Variants in RAB27B observed in about 807,000 individuals in gnomAD.
RAB27B encodes ras-related protein Rab-27B.
In RAB27B, 15 loss-of-function variants were observed where a neutral mutation model predicts 24.6. That is an observed-to-expected ratio of 0.61 (90% confidence interval 0.41 to 0.94). RAB27B has a LOEUF of 0.94. RAB27B is among the 40% of genes least tolerant of loss of function. The pLI, the probability that RAB27B is intolerant of heterozygous loss-of-function variation, is 0.00. For synonymous variants in RAB27B, 105 were observed against 92.5 expected (o/e 1.14, Z -0.78); for missense variants, 261 against 266.8 (o/e 0.98, Z 0.15).
intron 3 of RAB27B, among the ~76,000 whole-genome samples, chr18:54,882,149 A>G (rs1340777119): frequency 6.6e-6 from 1 of 152,208 alleles, no homozygotes; most frequent in African/African-American, 2.4e-5. Flanking sequence ...GTTTTAGATC[A>G]TGATGATGCC....
chr18:54,724,582 G>C (rs1405081482), intron 2 of RAB27B, among the ~76,000 whole-genome samples: 1 of 151,232 alleles, frequency 6.6e-6, no homozygotes. Context: ...AAATTAACCA[G>C]GTGTAGTGGT....
intron 5 of RAB27B, among the ~76,000 whole-genome samples, 156 bp from the exon 6 acceptor site, chr18:54,889,068 A>T (rs1243779709): frequency 3.9e-5 from 6 of 152,192 alleles, no homozygotes; most frequent in African/African-American, 1.4e-4. Context: ...CTCACTGAGG[A>T]AAAAACAAGG....
intron 1 of RAB27B, among the ~76,000 whole-genome samples, chr18:54,866,897 T>A (rs1169543509): frequency 6.6e-6 from 1 of 152,096 alleles, no homozygotes. Flanking sequence ...TTCAAAGGTT[T>A]TTATGTACGG....
Position 54,868,961 on chromosome 18 carries a change from G to C in RAB27B, c.-19-8606G>C, listed in dbSNP as rs182421104. On this transcript the variant is annotated intron_variant, in intron 1 of 5. Transcript: ENST00000262094. ...CCCTTACAAAGGCTTATCTGAATCT[G>C]AAACAGCAAATTTGTGTAGTACTGT... Among the ~76,000 whole-genome samples the C allele has an allele frequency of 3.2e-4, 48 of 152,278 alleles. No homozygotes were observed. The East Asian group carries it at 9.1e-3, about 29-fold the overall frequency.
intron 2 of RAB27B, among the ~76,000 whole-genome samples, chr18:54,763,243 AGTGTTTGAAATATTTTAAT>A (rs1363418557): frequency 2.0e-5 from 3 of 152,180 alleles, no homozygotes; most frequent in African/African-American, 7.2e-5. Context: ...TGGTATTTTT[AGTGTTTGAAATATTTTAAT>A]GTATGTTAAT....
At chr18:54,825,511 A>G (rs1212880822), upstream of RAB27B, among the ~76,000 whole-genome samples, 4 of 152,164 alleles carry the variant, frequency 2.6e-5, no homozygotes, top group African/African-American at 7.2e-5. Context: ...CTGCAGCTAA[A>G]TAGATTTTTC....
chr18:54,730,355 TC>T (rs1282183874), intron 2 of RAB27B, among the ~76,000 whole-genome samples: 1 of 152,192 alleles, frequency 6.6e-6, no homozygotes, highest in Admixed American at 6.5e-5. Flanking sequence ...GACTGCGCCT[TC>T]CGACAAATGC....
At chr18:54,845,896 C>T (rs919724928) in intron 1 of RAB27B, among the ~76,000 whole-genome samples, 2 of 152,122 alleles carry the variant, frequency 1.3e-5, no homozygotes, top group African/African-American at 4.8e-5. Flanking sequence ...TACCATGGTG[C>T]TTTTGTAGTC....
At chr18:54,866,987 G>T (rs1912256811) in intron 1 of RAB27B, among the ~76,000 whole-genome samples, 1 of 152,138 alleles carries the variant, frequency 6.6e-6, no homozygotes, top group African/African-American at 2.4e-5. Context: ...TGAAGAGTCA[G>T]AGAACAAAAA....
chr18:54,849,686 AC>A (rs1313312656), intron 1 of RAB27B, among the ~76,000 whole-genome samples: 1 of 152,172 alleles, frequency 6.6e-6, no homozygotes, highest in East Asian at 1.9e-4. Flanking sequence ...GTTCCACTGC[AC>A]TCCAGCCTGG....
At chr18:54,732,822 A>C in intron 2 of RAB27B, among the ~76,000 whole-genome samples, 1 of 152,174 alleles carries the variant, frequency 6.6e-6, no homozygotes, top group Non-Finnish European at 1.5e-5. Flanking sequence ...CAACCTCTAT[A>C]GGTTAACAAG....
intron 2 of RAB27B, among the ~76,000 whole-genome samples, chr18:54,806,575 A>G (rs926808373): frequency 6.8e-6 from 1 of 148,142 alleles, no homozygotes. Context: ...TTATTTATAT[A>G]TATAATCACA....
chr18:54,843,988 G>A (rs976500651), intron 1 of RAB27B, among the ~76,000 whole-genome samples: 7 of 152,168 alleles, frequency 4.6e-5, no homozygotes, highest in African/African-American at 1.7e-4. Context: ...TAGAAGAAAA[G>A]CCATCCCATA....
intron 2 of RAB27B, among the ~76,000 whole-genome samples, chr18:54,813,424 T>G (rs1471833648): frequency 6.6e-6 from 1 of 152,146 alleles, no homozygotes; most frequent in Non-Finnish European, 1.5e-5. Context: ...GTGGGAGGTG[T>G]TGGGTCATGG....
chr18:54,743,321 C>A (rs1910127835), intron 2 of RAB27B, among the ~76,000 whole-genome samples: 1 of 152,116 alleles, frequency 6.6e-6, no homozygotes, highest in Admixed American at 6.5e-5. Flanking sequence ...TGATTGAGTT[C>A]CTACTATGAA....
chr18:54,783,650 G>C (rs764225735), intron 2 of RAB27B, among the ~76,000 whole-genome samples: 4 of 152,090 alleles, frequency 2.6e-5, no homozygotes, highest in African/African-American at 9.7e-5. Flanking sequence ...GAGGATGCAC[G>C]GGTGTCTAAT....
chr18:54,810,841 TAAATAAATA>T (rs1909938986), intron 2 of RAB27B, among the ~76,000 whole-genome samples: 1 of 94,246 alleles, frequency 1.1e-5, no homozygotes, highest in African/African-American at 4.1e-5. Context: ...TCAAAATAAA[TAAATAAATA>T]AATAAATAAA....
At chr18:54,807,955 G>A (rs939996347) in intron 2 of RAB27B, among the ~76,000 whole-genome samples, 18 of 152,144 alleles carry the variant, frequency 1.2e-4, no homozygotes, top group Non-Finnish European at 2.5e-4. Context: ...TTTAGATCTT[G>A]TTGTCTCCAG....
chr18:54,867,442 C>CTTTTTTTTTTTTTTTTTTTTTTTTTTT (rs548288719), intron 1 of RAB27B, among the ~76,000 whole-genome samples: 1 of 98,754 alleles, frequency 1.0e-5, no homozygotes, highest in Non-Finnish European at 2.0e-5. Context: ...CTTTTCTTTT[C>CTTTTTTTTTTTTTTTTTTTTTTTTTTT]TTTTTTTTTT....
Sources: allele counts gnomAD v4.1 joint callset (sites outside exome capture counted in the v4.1 genomes callset), GRCh38; gene constraint gnomAD v4.1.1; transcripts MANE v1.5; gene names NCBI Gene and HGNC (gene_info 2026-07-23, HGNC 2026-07-21).